Variants in PRKAR1A observed in about 807,000 individuals in gnomAD.
PRKAR1A encodes protein kinase cAMP-dependent type I regulatory subunit alpha, also known as cAMP-dependent protein kinase type I-alpha regulatory subunit.
PRKAR1A carries 3 observed loss-of-function variants against 52.0 expected under a neutral mutation model. The ratio of observed to expected loss-of-function variants is 0.06; its 90% CI spans 0.03 to 0.15. The LOEUF is 0.15. Ranked by LOEUF, PRKAR1A falls within the 10% of genes least tolerant of loss-of-function variation. PRKAR1A has a pLI of 1.00. For missense variants in PRKAR1A, 240 were observed against 477.4 expected, an observed-to-expected ratio of 0.50 and a Z score of 4.63; for synonymous variants, 188 against 168.4, an observed-to-expected ratio of 1.12 and a Z score of -0.90.
chr17:68,515,761 A>G, intron 2 of PRKAR1A, 185 bp downstream of exon 2: 1 of 745,240 alleles, frequency 1.3e-6, no homozygotes, highest in Non-Finnish European at 2.1e-6. Context: ...AATTAGTAGA[A>G]TTTATCAGAA....
At chr17:68,503,040 A>G in the PRKAR1A span, among the ~76,000 whole-genome samples, 3 of 152,244 alleles carry the variant, frequency 2.0e-5, no homozygotes, top group Non-Finnish European at 4.4e-5. Context: ...TTTTGGATTA[A>G]AAAAGAAATG....
the PRKAR1A span, among the ~76,000 whole-genome samples, chr17:68,419,939 A>G: frequency 2.6e-5 from 4 of 152,318 alleles, no homozygotes; most frequent in East Asian, 7.7e-4. Context: ...AGCCTGGGCA[A>G]CGAAGCCAGA....
At chr17:68,528,256 A>T (rs187846823) in intron 8 of PRKAR1A, among the ~76,000 whole-genome samples, 1 of 152,170 alleles carries the variant, frequency 6.6e-6, no homozygotes, top group Admixed American at 6.5e-5. Flanking sequence ...GCATTTTGTT[A>T]TGTGGACTTG....
chr17:68,471,107 C>T, the PRKAR1A span, among the ~76,000 whole-genome samples: 1 of 152,024 alleles, frequency 6.6e-6, no homozygotes, highest in African/African-American at 2.4e-5. Flanking sequence ...TTTTTTCCCC[C>T]AGATTTGAAA....
the PRKAR1A span, chr17:68,450,854 G>A: frequency 6.2e-7 from 1 of 1,614,100 alleles, no homozygotes. Flanking sequence ...CCACCAGGCT[G>A]CTGGAGAAGA....
At chr17:68,435,617 C>T in the PRKAR1A span, 1 of 1,614,056 alleles carries the variant, frequency 6.2e-7, no homozygotes, top group Admixed American at 1.7e-5. Context: ...GGAGTGGACT[C>T]ACTTTTTCAG....
chr17:68,491,548 G>A, the PRKAR1A span, among the ~76,000 whole-genome samples: 1 of 152,176 alleles, frequency 6.6e-6, no homozygotes, highest in Non-Finnish European at 1.5e-5. Context: ...AGAAGGGCGT[G>A]GAAGTAATTA....
At chr17:68,431,727 C>T in the PRKAR1A span, among the ~76,000 whole-genome samples, 2 of 152,284 alleles carry the variant, frequency 1.3e-5, no homozygotes, top group South Asian at 2.1e-4. Context: ...TGAAGAGGCA[C>T]GTGTGAGCCG....
the PRKAR1A span, among the ~76,000 whole-genome samples, chr17:68,441,388 G>A: frequency 6.6e-6 from 1 of 152,222 alleles, no homozygotes; most frequent in African/African-American, 2.4e-5. Context: ...AATGCATTCA[G>A]GATTTGTGTG....
chr17:68,486,699 A>G, the PRKAR1A span, among the ~76,000 whole-genome samples: 346 of 151,642 alleles, frequency 2.3e-3, no homozygotes, highest in Non-Finnish European at 3.8e-3. Context: ...AGAAAGTGAA[A>G]ATATAGTGTG....
chr17:68,457,920 G>A, the PRKAR1A span, among the ~76,000 whole-genome samples: 2 of 152,216 alleles, frequency 1.3e-5, no homozygotes, highest in Non-Finnish European at 1.5e-5. Flanking sequence ...GCTGGGGCCA[G>A]ATCTGCTGGT....
chr17:68,452,883 C>T, the PRKAR1A span: 2 of 1,606,260 alleles, frequency 1.2e-6, no homozygotes, highest in South Asian at 2.2e-5. Context: ...CCTGCAGATC[C>T]CTGAGGTCTC....
At chr17:68,544,579 T>G (rs934262546) in intron 11 of PRKAR1A, among the ~76,000 whole-genome samples, 3 of 152,226 alleles carry the variant, frequency 2.0e-5, no homozygotes, top group African/African-American at 7.2e-5. Flanking sequence ...TGCAGAAATC[T>G]ATAAATAAGA....
the PRKAR1A span, among the ~76,000 whole-genome samples, chr17:68,429,365 A>G: frequency 6.6e-6 from 1 of 152,136 alleles, no homozygotes; most frequent in Non-Finnish European, 1.5e-5. Flanking sequence ...ACTCCTTTAA[A>G]CTTCTTAAAA....
At chr17:68,424,464 T>C in the PRKAR1A span, 5 of 534,794 alleles carry the variant, frequency 9.3e-6, no homozygotes, top group Non-Finnish European at 1.9e-5. Flanking sequence ...GGAAGCTCAA[T>C]GGACACAAAA....
At chr17:68,457,777 G>A in the PRKAR1A span, among the ~76,000 whole-genome samples, 1 of 152,150 alleles carries the variant, frequency 6.6e-6, no homozygotes, top group African/African-American at 2.4e-5. Flanking sequence ...CGCCCGGCTG[G>A]CGACCCGCCC....
chr17:68,424,078 G>A, the PRKAR1A span, among the ~76,000 whole-genome samples: 4 of 152,156 alleles, frequency 2.6e-5, no homozygotes, highest in African/African-American at 9.7e-5. Flanking sequence ...TGAGGGTGCA[G>A]AAGAACGCCC....
chr17:68,532,468 A>G lies in PRKAR1A; in HGVS notation c.*2019A>G, dbSNP rs1421622469. On this transcript the variant is annotated 3_prime_UTR_variant, in exon 11 of 11. Transcript: ENST00000589228. ...TTAAAAACTTTAAAGATAAGTCTAC[A>G]TTAAACAATGATCACATCTAAAGCT... 1 of 1,061,170 alleles carries G rather than the reference A, an allele frequency of 9.4e-7. No individual in the cohort carries two copies. Among genetic ancestry groups the G allele is most frequent in the African/African-American group, 1.6e-5 (1 of 60,986 alleles). 65.7% of individuals were successfully genotyped at this position (1,061,170 alleles called of 1,614,324 possible).
At chr17:68,535,595 T>C, downstream of PRKAR1A, 1 of 454,096 alleles carries the variant, frequency 2.2e-6, no homozygotes, top group Middle Eastern at 6.9e-4. Context: ...AGCCCTATGC[T>C]GCAGTAGGGC....
Sources: allele counts gnomAD v4.1 joint callset (sites outside exome capture counted in the v4.1 genomes callset), GRCh38; gene constraint gnomAD v4.1.1; transcripts MANE v1.5; gene names NCBI Gene and HGNC (gene_info 2026-07-23, HGNC 2026-07-21).